The following TMPRSS15 variants were observed in gnomAD, a reference collection of about 807,000 sequenced individuals.
TMPRSS15 encodes transmembrane serine protease 15.
TMPRSS15 carries 128 observed loss-of-function variants against 125.3 expected under a neutral mutation model. The observed-to-expected ratio is 1.02, with a 90% CI of 0.89 to 1.18. The LOEUF (loss-of-function observed/expected upper bound fraction) is 1.18, where lower values mean the gene tolerates loss of function less well. Ranked by LOEUF, TMPRSS15 falls within the 50% of genes most tolerant of loss-of-function variation. The pLI is 0.00. For synonymous variants in TMPRSS15, 446 were observed against 423.2 expected, an observed-to-expected ratio of 1.05 and a Z score of -0.66; for missense variants, 1,283 against 1,212.7, an observed-to-expected ratio of 1.06 and a Z score of -0.86.
chr21:18,359,591 G>A (rs969346135), intron 8 of TMPRSS15, among the ~76,000 whole-genome samples, 166 bp downstream of exon 8: 2 of 151,556 alleles, frequency 1.3e-5, no homozygotes, highest in Admixed American at 6.6e-5. Flanking sequence ...AGACCACATA[G>A]AGCACTAATT....
chr21:18,420,424 G>A (rs2076189873), intron 1 of TMPRSS15, among the ~76,000 whole-genome samples: 1 of 110,332 alleles, frequency 9.1e-6, no homozygotes, highest in Non-Finnish European at 1.8e-5. Flanking sequence ...ATGTGGCTAG[G>A]GAAAGATCTT....
intron 18 of TMPRSS15, among the ~76,000 whole-genome samples, chr21:18,303,842 C>T (rs944999224): frequency 6.6e-6 from 1 of 152,072 alleles, no homozygotes; most frequent in Non-Finnish European, 1.5e-5. Context: ...TGACAAAATA[C>T]ATATTAAAAA....
intron 1 of TMPRSS15, among the ~76,000 whole-genome samples, chr21:18,398,711 A>G (rs530680751): frequency 2.0e-5 from 3 of 152,278 alleles, no homozygotes; most frequent in East Asian, 3.9e-4. Context: ...GTGAACCATT[A>G]AAAGTTTTGT....
chr21:18,379,228 A>G, intron 5 of TMPRSS15, 55 bp downstream of exon 5: 1 of 879,478 alleles, frequency 1.1e-6, no homozygotes, highest in South Asian at 3.6e-5. Flanking sequence ...CTAAAATAAA[A>G]TGTATAAGAG....
At chr21:18,418,988 C>A (rs992975624) in intron 1 of TMPRSS15, among the ~76,000 whole-genome samples, 19 of 152,104 alleles carry the variant, frequency 1.2e-4, no homozygotes, top group Non-Finnish European at 2.2e-4. Context: ...CAGCGTTGAG[C>A]CAGGGGGAAA....
chr21:18,467,491 T>C (rs1978691605), intron 1 of TMPRSS15, among the ~76,000 whole-genome samples: 1 of 152,056 alleles, frequency 6.6e-6, no homozygotes, highest in Non-Finnish European at 1.5e-5. Context: ...TTTTGAGTAA[T>C]AAGTCTTGAT....
At chr21:18,282,821 C>A (rs1454103360) in intron 21 of TMPRSS15, among the ~76,000 whole-genome samples, 1 of 152,152 alleles carries the variant, frequency 6.6e-6, no homozygotes, top group Non-Finnish European at 1.5e-5. Context: ...TTAGAGCCTG[C>A]ACTTAACACC....
intron 3 of TMPRSS15, among the ~76,000 whole-genome samples, chr21:18,396,847 T>TATCTATCTATCTATCTATC (rs200141519): frequency 5.2e-4 from 73 of 139,500 alleles, no homozygotes; most frequent in African/African-American, 1.8e-3. Flanking sequence ...TCTATCTATC[T>TATCTATCTATCTATCTATC]ATCTTAAGTC....
chr21:18,448,617 T>C (rs952876141), intron 1 of TMPRSS15, among the ~76,000 whole-genome samples: 4 of 152,108 alleles, frequency 2.6e-5, no homozygotes, highest in Non-Finnish European at 4.4e-5. Context: ...AAGCACAGAG[T>C]GTATGAAACT....
intron 1 of TMPRSS15, among the ~76,000 whole-genome samples, chr21:18,450,150 T>C (rs147563102): frequency 0.011 from 1,729 of 152,280 alleles, 32 homozygotes; most frequent in African/African-American, 0.039. Flanking sequence ...TTGCATTATC[T>C]TATATACAAG....
chr21:18,458,821 C>CA (rs1176030760), intron 1 of TMPRSS15, among the ~76,000 whole-genome samples: 1 of 151,888 alleles, frequency 6.6e-6, no homozygotes, highest in Non-Finnish European at 1.5e-5. Context: ...ATACAGCTGC[C>CA]AAAAATACCA....
chr21:18,321,456 C>A (rs2075235459), intron 16 of TMPRSS15, among the ~76,000 whole-genome samples: 1 of 150,570 alleles, frequency 6.6e-6, no homozygotes, highest in East Asian at 2.0e-4. Context: ...GGGTTCACGC[C>A]ATTCTCCTGC....
intron 8 of TMPRSS15, 108 bp downstream of exon 8, chr21:18,359,649 A>T: frequency 1.7e-6 from 1 of 571,510 alleles, no homozygotes; most frequent in South Asian, 2.1e-5. Context: ...TAGTTTTATA[A>T]GTTTCAAGTC....
At chr21:18,435,520 A>G (rs9653745) in intron 1 of TMPRSS15, among the ~76,000 whole-genome samples, 4 of 152,130 alleles carry the variant, frequency 2.6e-5, no homozygotes, top group Admixed American at 6.6e-5. Context: ...ATGTGCTGCT[A>G]GATTCGGTTT....
chr21:18,270,511 T>C (rs913983434), intron 24 of TMPRSS15, among the ~76,000 whole-genome samples: 2 of 152,170 alleles, frequency 1.3e-5, no homozygotes, highest in African/African-American at 4.8e-5. Context: ...CAAAGGACAC[T>C]ATGGAAAAGA....
At chr21:18,464,245 G>A (rs1978611286) in intron 1 of TMPRSS15, among the ~76,000 whole-genome samples, 1 of 151,424 alleles carries the variant, frequency 6.6e-6, no homozygotes, top group Non-Finnish European at 1.5e-5. Context: ...CAGAATCTCT[G>A]GGACACAGCT....
At chr21:18,460,429 T>C (rs1978530161) in intron 1 of TMPRSS15, 3 of 152,204 alleles carry the variant, frequency 2.0e-5, no homozygotes, top group Non-Finnish European at 4.4e-5. Context: ...TTGAATAAAC[T>C]CCTATGATAG....
At chr21:18,314,203 C>G (rs1357266854) in intron 17 of TMPRSS15, among the ~76,000 whole-genome samples, 1 of 152,158 alleles carries the variant, frequency 6.6e-6, no homozygotes, top group Non-Finnish European at 1.5e-5. Context: ...AGCTATGGCC[C>G]TTACTGGGTG....
At position 18,273,769 on chromosome 21, in the gene TMPRSS15, G is replaced by C. The variant is rs149807612; in HGVS notation, c.2904+1428C>G. On this transcript the variant is annotated intron_variant, in intron 24 of 24. Coordinates refer to ENST00000284885, the MANE Select transcript of TMPRSS15 (RefSeq NM_002772.3). ...GCACACTTTTCATTTTAAAAAAGAA[G>C]TATAAGACCCGAAGATAAATTTTAA... Among the ~76,000 whole-genome samples, 814 of 152,216 alleles carry C rather than the reference G, an allele frequency of 5.3e-3. 11 individuals carry two copies. The highest frequency in any genetic ancestry group is 0.018 in the African/African-American group (762 of 41,528).
Sources: gnomAD v4.1 joint callset for allele counts (sites outside exome capture counted in the v4.1 genomes callset) on GRCh38, gnomAD v4.1.1 for gene constraint, MANE v1.5 for transcripts, NCBI Gene and HGNC (gene_info 2026-07-23, HGNC 2026-07-21) for gene names.